Variants in ELOVL6 observed in about 807,000 individuals in gnomAD.
The protein encoded by ELOVL6 is ELOVL fatty acid elongase 6.
Under a neutral mutation model 31.7 loss-of-function variants are expected in ELOVL6, and 8 were observed. That is an observed-to-expected ratio of 0.25 (90% CI 0.15 to 0.45). ELOVL6 has a LOEUF of 0.45. ELOVL6 is among the 20% of genes least tolerant of loss of function. The pLI is 1.00. For synonymous variants in ELOVL6, 101 were observed against 117.7 expected (o/e 0.86, Z 0.92); for missense variants, 126 against 326.4 (o/e 0.39, Z 4.73).
intron 1 of ELOVL6, among the ~76,000 whole-genome samples, chr4:110,107,127 T>C (rs1459336817): frequency 6.6e-6 from 1 of 152,218 alleles, no homozygotes; most frequent in Non-Finnish European, 1.5e-5. Context: ...TATGCTGACA[T>C]GTAATGCTGA....
intron 1 of ELOVL6, among the ~76,000 whole-genome samples, chr4:110,192,970 A>G (rs1481783170): frequency 6.6e-6 from 1 of 152,218 alleles, no homozygotes; most frequent in Non-Finnish European, 1.5e-5. Flanking sequence ...TGTTGCTGCA[A>G]TGTTAATGAT....
At chr4:110,065,851 G>A (rs1451266929) in intron 2 of ELOVL6, among the ~76,000 whole-genome samples, 1 of 151,984 alleles carries the variant, frequency 6.6e-6, no homozygotes, top group Non-Finnish European at 1.5e-5. Flanking sequence ...ATTTTCACAT[G>A]AACATCAATA....
At chr4:110,114,384 T>C (rs1429720889) in intron 1 of ELOVL6, among the ~76,000 whole-genome samples, 1 of 152,180 alleles carries the variant, frequency 6.6e-6, no homozygotes, top group Non-Finnish European at 1.5e-5. Flanking sequence ...AGTGGCCTAA[T>C]GACCCTAGAC....
intron 1 of ELOVL6, among the ~76,000 whole-genome samples, chr4:110,187,878 A>C (rs1176359997): frequency 6.6e-6 from 1 of 152,158 alleles, no homozygotes; most frequent in Non-Finnish European, 1.5e-5. Context: ...TCTGGAAAAG[A>C]ATTAAAGGTG....
At chr4:110,143,261 G>A (rs1310713688) in intron 1 of ELOVL6, among the ~76,000 whole-genome samples, 2 of 151,802 alleles carry the variant, frequency 1.3e-5, no homozygotes, top group African/African-American at 4.8e-5. Flanking sequence ...AAATTAGACT[G>A]TAGTGCTTTT....
At chr4:110,099,745 A>G (rs1429533122) in intron 2 of ELOVL6, among the ~76,000 whole-genome samples, 2 of 152,216 alleles carry the variant, frequency 1.3e-5, no homozygotes, top group Admixed American at 6.5e-5. Flanking sequence ...GGCTCCTTGA[A>G]TCAGAAGCAC....
At chr4:110,158,635 G>GTGTATATATA (rs1463085529) in intron 1 of ELOVL6, among the ~76,000 whole-genome samples, 4 of 81,572 alleles carry the variant, frequency 4.9e-5, no homozygotes, top group African/African-American at 2.3e-4. Context: ...ATATACACGT[G>GTGTATATATA]TATATATATA....
intron 1 of ELOVL6, among the ~76,000 whole-genome samples, chr4:110,172,591 G>A (rs989235866): frequency 2.0e-5 from 3 of 152,160 alleles, no homozygotes; most frequent in Non-Finnish European, 4.4e-5. Context: ...TAGGCACTGA[G>A]AAAGAAGAGC....
At chr4:110,158,658 T>TATATATATATATA (rs35622604) in intron 1 of ELOVL6, among the ~76,000 whole-genome samples, 238 of 59,522 alleles carry the variant, frequency 4.0e-3, no homozygotes, top group African/African-American at 0.02. Context: ...TATATATATA[T>TATATATATATATA]TTTTTTTTTT....
At chr4:110,166,928 G>C (rs1416662540) in intron 1 of ELOVL6, among the ~76,000 whole-genome samples, 1 of 152,116 alleles carries the variant, frequency 6.6e-6, no homozygotes, top group Non-Finnish European at 1.5e-5. Context: ...ACTGTATTTT[G>C]CATGTACATC....
rs532769101 is a variant in ELOVL6, at chr4:110,083,894, A to AAT, written c.221+21601_221+21602dup. ...GATGGATGCTGTGATATATATAGAT[A>AAT]ATATATATATACACATAGAGAGAGA... is the stretch of plus-strand genomic sequence containing the variant. On this transcript the variant is annotated intron_variant, in intron 2 of 3. Coordinates refer to ENST00000302274, the MANE Select transcript of ELOVL6 (RefSeq NM_024090.3). Among the ~76,000 whole-genome samples, 562 of 121,984 alleles carry AAT rather than the reference A, an allele frequency of 4.6e-3. 17 individuals carry two copies. Among genetic ancestry groups the AAT allele is most frequent in the African/African-American group, 0.02 (511 of 25,412 alleles). The allele number at this position is 121,984 out of a possible 152,430, so 80.0% of individuals were successfully genotyped here. A position where few individuals can be genotyped will look rare whatever the true frequency, so the allele number is the denominator to read the frequency against.
At chr4:110,128,212 G>C (rs1187297516) in intron 1 of ELOVL6, among the ~76,000 whole-genome samples, 3 of 152,148 alleles carry the variant, frequency 2.0e-5, no homozygotes, top group African/African-American at 7.2e-5. Flanking sequence ...AGGCATGAGA[G>C]AGAAAGCACA....
intron 1 of ELOVL6, among the ~76,000 whole-genome samples, chr4:110,111,186 T>A (rs967495069): frequency 6.6e-6 from 1 of 152,172 alleles, no homozygotes; most frequent in African/African-American, 2.4e-5. Context: ...TTTTCCCCCC[T>A]TGTCACCTTT....
chr4:110,072,217 C>T (rs1004415876), intron 2 of ELOVL6, among the ~76,000 whole-genome samples: 3 of 152,216 alleles, frequency 2.0e-5, no homozygotes, highest in South Asian at 4.1e-4. Flanking sequence ...GTGGCTCACA[C>T]CTGTAATCCC....
At chr4:110,131,135 T>C (rs546352727) in intron 1 of ELOVL6, among the ~76,000 whole-genome samples, 4 of 152,334 alleles carry the variant, frequency 2.6e-5, no homozygotes, top group South Asian at 4.1e-4. Context: ...CTAGGAAATA[T>C]CTGTTGCGTT....
At chr4:110,198,624 G>A (rs1242027904), upstream of ELOVL6, 6 of 349,734 alleles carry the variant, frequency 1.7e-5, no homozygotes, top group Non-Finnish European at 3.1e-5. Flanking sequence ...GTGCCCGCAC[G>A]TTTGTCCATC....
At chr4:110,190,630 G>C (rs1002674923) in intron 1 of ELOVL6, among the ~76,000 whole-genome samples, 1 of 151,948 alleles carries the variant, frequency 6.6e-6, no homozygotes, top group African/African-American at 2.4e-5. Flanking sequence ...TCAGCCCCTG[G>C]AGTAGCTGGG....
chr4:110,189,196 C>T lies in ELOVL6; in HGVS notation c.89+9051G>A, dbSNP rs1218071836. On this transcript the variant is annotated intron_variant, in intron 1 of 3. Coordinates refer to ENST00000302274, the MANE Select transcript of ELOVL6 (RefSeq NM_024090.3). ...TTGGGAGGCTGAGGCAAGAAGATCG[C>T]TTGGACCAAGAAGCGGAGTTTGAGA... Among the ~76,000 whole-genome samples, 4 of 152,144 alleles carry T rather than the reference C, an allele frequency of 2.6e-5. No homozygotes were observed. In the East Asian group the frequency reaches 5.8e-4, roughly 22 times the overall value.
At chr4:110,129,990 C>T (rs186963541) in intron 1 of ELOVL6, among the ~76,000 whole-genome samples, 8 of 150,642 alleles carry the variant, frequency 5.3e-5, no homozygotes, top group Admixed American at 4.0e-4. Context: ...CTCTGCCTCC[C>T]GGGTTCAAGC....
Sources: allele counts gnomAD v4.1 joint callset (sites outside exome capture counted in the v4.1 genomes callset), GRCh38; gene constraint gnomAD v4.1.1; transcripts MANE v1.5; gene names NCBI Gene and HGNC (gene_info 2026-07-23, HGNC 2026-07-21).